PARD3B: variants seen among roughly 807,000 people sequenced by gnomAD.
PARD3B encodes the protein par-3 family cell polarity regulator beta.
Under a neutral mutation model 130.2 loss-of-function variants are expected in PARD3B, and 103 were observed. The ratio of observed to expected loss-of-function variants is 0.79; its 90% CI spans 0.67 to 0.93. PARD3B has a LOEUF of 0.93. Ranked by LOEUF, PARD3B falls within the 40% of genes least tolerant of loss-of-function variation. PARD3B has a pLI of 0.00. For missense variants in PARD3B, 1,609 were observed against 1,499.2 expected, an observed-to-expected ratio of 1.07 and a Z score of -1.21; for synonymous variants, 583 against 553.2, an observed-to-expected ratio of 1.05 and a Z score of -0.76.
chr2:204,824,648 C>T (rs1328016551), intron 2 of PARD3B, among the ~76,000 whole-genome samples: 1 of 152,152 alleles, frequency 6.6e-6, no homozygotes, highest in African/African-American at 2.4e-5. Context: ...GAGAGAGTAG[C>T]TTTTCCCAAA....
intron 2 of PARD3B, among the ~76,000 whole-genome samples, chr2:204,716,261 C>A (rs1306982960): frequency 1.3e-5 from 2 of 152,082 alleles, no homozygotes; most frequent in African/African-American, 4.8e-5. Flanking sequence ...CCTTGCTACT[C>A]AGAGTGTGGG....
In PARD3B at chr2:205,015,529, T is replaced by A. The variant is rs1256842911; in HGVS notation, c.395-32052T>A. ...TTATTCATATAGGTATAACCCAGTCTTGAGCTTCACAACAAACAGGTATTG... is the reference window on the plus strand; with the variant it reads ...TTATTCATATAGGTATAACCCAGTCATGAGCTTCACAACAAACAGGTATTG... On this transcript the variant is annotated intron_variant, in intron 3 of 22. Transcript: ENST00000406610. The surrounding 1 kb of genome is among the most constrained non-coding windows in gnomAD (Gnocchi z 4.5). Among the ~76,000 whole-genome samples the A allele has an allele frequency of 6.6e-6, 1 of 152,196 alleles. No homozygotes were observed. The highest frequency in any genetic ancestry group is 2.4e-5 in the African/African-American group (1 of 41,456).
Position 205,160,430 on chromosome 2 carries a change from G to A in PARD3B, c.1620+1523G>A, listed in dbSNP as rs919638765. On this transcript the variant is annotated intron_variant, in intron 11 of 22. Transcript: ENST00000406610. The surrounding 1 kb of genome is among the most constrained non-coding windows in gnomAD (Gnocchi z 4.0). ...AGCTGTCAGAGGGCCAGCGGCAGTG[G>A]GTGAATCCGCGGGCTCCAAGCTAGC... Among the ~76,000 whole-genome samples the A allele has an allele frequency of 1.8e-4, 27 of 152,190 alleles. No individual in the cohort carries two copies. The highest frequency in any genetic ancestry group is 6.5e-4 in the African/African-American group (27 of 41,430).
chr2:204,897,380 G>T (rs1408770208), intron 2 of PARD3B, among the ~76,000 whole-genome samples: 1 of 78,436 alleles, frequency 1.3e-5, no homozygotes, highest in African/African-American at 5.5e-5. Context: ...AAACCTGTAG[G>T]TACTGTTTTT....
At chr2:204,930,701 G>C (rs935705593) in intron 2 of PARD3B, among the ~76,000 whole-genome samples, 1 of 151,956 alleles carries the variant, frequency 6.6e-6, no homozygotes, top group Non-Finnish European at 1.5e-5. Context: ...GGGGCTATTA[G>C]AGCCCTCAAA....
At chr2:204,593,241 A>C (rs992168559) in intron 1 of PARD3B, among the ~76,000 whole-genome samples, 4 of 152,200 alleles carry the variant, frequency 2.6e-5, no homozygotes, top group Non-Finnish European at 5.9e-5. Flanking sequence ...CCAATCAAAC[A>C]CCATAGACCT....
At chr2:205,040,735 T>C (rs10202420) in intron 3 of PARD3B, among the ~76,000 whole-genome samples, 71,827 of 152,106 alleles carry the variant, frequency 0.47, 17,416 homozygotes, top group South Asian at 0.61. Context: ...CCAACTTACA[T>C]GTATTTTAAT....
Position 205,057,867 on chromosome 2 carries a change from G to A in PARD3B, c.504+10177G>A, listed in dbSNP as rs147197073. Among the ~76,000 whole-genome samples, 839 of 138,376 alleles carry A rather than the reference G, an allele frequency of 6.1e-3. 3 individuals are homozygous for A. Among genetic ancestry groups the A allele is most frequent in the Non-Finnish European group, 8.3e-3 (524 of 62,920 alleles). 90.8% of individuals were successfully genotyped at this position (138,376 alleles called of 152,430 possible). A position where few individuals can be genotyped will look rare whatever the true frequency, so the allele number is the denominator to read the frequency against. Reference sequence around the variant, plus strand: ...ATTCAGGATGTTTTAAAATTTCTTGGTATGGCTTTTTAAAAAAAAGACTTT... The same window carrying A: ...ATTCAGGATGTTTTAAAATTTCTTGATATGGCTTTTTAAAAAAAAGACTTT... On this transcript the variant is annotated intron_variant, in intron 4 of 22. Coordinates refer to ENST00000406610, the MANE Select transcript of PARD3B (RefSeq NM_001302769.2).
chr2:205,243,269 T>A (rs2039434665), intron 15 of PARD3B, among the ~76,000 whole-genome samples: 1 of 152,262 alleles, frequency 6.6e-6, no homozygotes, highest in Admixed American at 6.5e-5. Flanking sequence ...CTATTTTGTT[T>A]CTCATTAATG....
intron 13 of PARD3B, among the ~76,000 whole-genome samples, chr2:205,179,710 A>G (rs1385151468): frequency 6.6e-6 from 1 of 152,216 alleles, no homozygotes; most frequent in East Asian, 1.9e-4. Flanking sequence ...CTCAGAATAT[A>G]TCCTCCTTAA....
chr2:204,584,716 G>A (rs1247558558), intron 1 of PARD3B, among the ~76,000 whole-genome samples: 2 of 152,200 alleles, frequency 1.3e-5, no homozygotes, highest in African/African-American at 2.4e-5. Context: ...TAGATGAGAA[G>A]ATTCAGGACT....
chr2:204,753,429 G>A (rs79342204), intron 2 of PARD3B, among the ~76,000 whole-genome samples: 4,195 of 152,066 alleles, frequency 0.028, 180 homozygotes, highest in African/African-American at 0.096. Flanking sequence ...AATACTGCAG[G>A]TATTATAGTT....
At chr2:205,453,589 A>G in intron 20 of PARD3B, among the ~76,000 whole-genome samples, 1 of 152,296 alleles carries the variant, frequency 6.6e-6, no homozygotes, top group South Asian at 2.1e-4. Context: ...GGTGACACAG[A>G]TAATAAGTCG....
chr2:204,687,858 T>C (rs1021562686), intron 2 of PARD3B, among the ~76,000 whole-genome samples: 1 of 152,190 alleles, frequency 6.6e-6, no homozygotes, highest in African/African-American at 2.4e-5. Flanking sequence ...ATGGCAAGTT[T>C]AGGAAGGACG....
Position 205,253,202 on chromosome 2 carries a change from A to C in PARD3B, c.2185+7380A>C, listed in dbSNP as rs2039931787. On this transcript the variant is annotated intron_variant, in intron 16 of 22. Coordinates refer to ENST00000406610, the MANE Select transcript of PARD3B (RefSeq NM_001302769.2). This position sits in a 1 kb window ranked among gnomAD's most constrained non-coding sequence, Gnocchi z 4.4. Reference sequence around the variant, plus strand: ...AGGACCAGCTTTTCTGCAGGTGTTGACCAGCAATTTCCTGCGGCATTTACT... The same window carrying C: ...AGGACCAGCTTTTCTGCAGGTGTTGCCCAGCAATTTCCTGCGGCATTTACT... 1 of 404,622 alleles carries C rather than the reference A, an allele frequency of 2.5e-6. No homozygotes were observed. Among genetic ancestry groups the C allele is most frequent in the Non-Finnish European group, 5.0e-6 (1 of 201,866 alleles). 25.1% of individuals were successfully genotyped at this position (404,622 alleles called of 1,614,324 possible). A position where few individuals can be genotyped will look rare whatever the true frequency, so the allele number is the denominator to read the frequency against.
intron 1 of PARD3B, among the ~76,000 whole-genome samples, chr2:204,569,337 C>T (rs538905753): frequency 3.9e-5 from 6 of 152,216 alleles, no homozygotes; most frequent in East Asian, 1.9e-4. Context: ...TATATGAAAC[C>T]GTAATGCCTC....
intron 1 of PARD3B, 139 bp from the exon 2 acceptor site, chr2:204,686,042 A>T: frequency 1.7e-6 from 1 of 602,226 alleles, no homozygotes; most frequent in East Asian, 2.8e-5. Flanking sequence ...AAATAAATAG[A>T]TAACATTTGT....
chr2:205,094,285 A>G (rs897676760), intron 4 of PARD3B, among the ~76,000 whole-genome samples: 4 of 152,208 alleles, frequency 2.6e-5, no homozygotes, highest in African/African-American at 9.6e-5. Context: ...GTAGGAAGAT[A>G]TATGAAGGTC....
At chr2:204,921,157 A>G (rs898967587) in intron 2 of PARD3B, among the ~76,000 whole-genome samples, 6 of 152,196 alleles carry the variant, frequency 3.9e-5, no homozygotes, top group Non-Finnish European at 8.8e-5. Flanking sequence ...ACCTGAGACT[A>G]TGTAATCAGT....
Sources: allele counts gnomAD v4.1 joint callset (sites outside exome capture counted in the v4.1 genomes callset), GRCh38; gene constraint gnomAD v4.1.1; non-coding constraint Gnocchi (gnomAD v3.1); transcripts MANE v1.5; gene names NCBI Gene and HGNC (gene_info 2026-07-23, HGNC 2026-07-21).